Variants in BORCS5 observed in about 807,000 individuals in gnomAD.
BORCS5 encodes the protein BLOC-1-related complex subunit 5.
In BORCS5, 17 loss-of-function variants were observed where a neutral mutation model predicts 22.1. That is an observed-to-expected ratio of 0.77 (90% CI 0.53 to 1.15). The LOEUF (loss-of-function observed/expected upper bound fraction) is 1.15, where lower values mean the gene tolerates loss of function less well. BORCS5 is among the 50% of genes most tolerant of loss of function. The pLI, the probability that BORCS5 is intolerant of heterozygous loss-of-function variation, is 0.00. For synonymous variants in BORCS5, 117 were observed against 99.8 expected (o/e 1.17, Z -1.03); for missense variants, 247 against 253.2 (o/e 0.98, Z 0.17).
Position 12,468,014 on chromosome 12 carries a change from GGATGAGAGACCAGCACGGGCTCT to G in BORCS5, c.*2249_*2271del, listed in dbSNP as rs1203097397. 6.6e-6 allele frequency: 1 copy of G among 152,206 alleles called. No homozygotes were observed. The highest frequency in any genetic ancestry group is 1.5e-5 in the Non-Finnish European group (1 of 68,062). 9.4% of individuals were successfully genotyped at this position (152,206 alleles called of 1,614,324 possible). A position where few individuals can be genotyped will look rare whatever the true frequency, so the allele number is the denominator to read the frequency against. On this transcript the variant is annotated 3_prime_UTR_variant, in exon 4 of 4. Transcript: ENST00000314565. ...TGCAGCCACAAGGATGAAGGTTTGGGGATGAGAGACCAGCACGGGCTCTGATGAGAGACAGGTGCAGGTCCCAG... is the reference window on the plus strand; with the variant it reads ...TGCAGCCACAAGGATGAAGGTTTGGGGATGAGAGACAGGTGCAGGTCCCAG...
intron 2 of BORCS5, among the ~76,000 whole-genome samples, chr12:12,374,777 G>C (rs1203872644): frequency 2.0e-5 from 3 of 151,864 alleles, no homozygotes; most frequent in Non-Finnish European, 4.4e-5. Flanking sequence ...GGCCAACATG[G>C]TGAAACCCCA....
At chr12:12,392,309 G>A (rs1285243644) in intron 2 of BORCS5, among the ~76,000 whole-genome samples, 3 of 151,940 alleles carry the variant, frequency 2.0e-5, no homozygotes, top group African/African-American at 2.4e-5. Flanking sequence ...GCCAATATAC[G>A]ACGTTTTCGA....
intron 3 of BORCS5, chr12:12,452,265 C>A (rs966583731): frequency 1.3e-6 from 1 of 768,388 alleles, no homozygotes. Flanking sequence ...ATTTTGTGCA[C>A]CAATTTGTGT....
chr12:12,381,719 A>G (rs142590911), intron 2 of BORCS5, among the ~76,000 whole-genome samples: 24 of 151,686 alleles, frequency 1.6e-4, no homozygotes, highest in Middle Eastern at 3.4e-3. Context: ...TGTGAAAGGT[A>G]TAAACCATAT....
In BORCS5 at chr12:12,357,153, T is replaced by G; in HGVS notation, c.-299T>G. 1 of 1,532,938 alleles carries G rather than the reference T, an allele frequency of 6.5e-7. No individual in the cohort carries two copies. The highest frequency in any genetic ancestry group is 8.7e-7 in the Non-Finnish European group (1 of 1,145,690). The allele number at this position is 1,532,938 out of a possible 1,614,324, so 95.0% of individuals were successfully genotyped here. ...AGCGGCGCCGCCCGCCGGCCGCAGG[T>G]GCGGCAAAGCCAGTGTCATCTGCCG... On this transcript the variant is annotated 5_prime_UTR_variant, in exon 1 of 4. Coordinates refer to ENST00000314565, the MANE Select transcript of BORCS5 (RefSeq NM_058169.6).
chr12:12,465,698 C>G lies in BORCS5; in HGVS notation c.513C>G (p.Asp171Glu), dbSNP rs1361033088. 8 of 1,614,148 alleles carry G rather than the reference C, an allele frequency of 5.0e-6. No homozygotes were observed. The highest frequency in any genetic ancestry group is 6.8e-6 in the Non-Finnish European group (8 of 1,180,060). Reference protein sequence around the residue: ...MGIDQTVPLLDRLNSMLPEGE... With the variant: ...MGIDQTVPLLERLNSMLPEGE... ...TCGACCAGACTGTGCCCCTGCTGGA[C>G]AGGCTCAACAGCATGCTGCCCGAGG... The change falls in exon 4 of 4, where the codon GAC (aspartate) becomes GAG (glutamate). Residue 171 changes from aspartate to glutamate, a missense_variant. Physicochemically the swap from Asp to Glu is conservative, Grantham distance 45. Coordinates refer to ENST00000314565, the MANE Select transcript of BORCS5 (RefSeq NM_058169.6).
At chr12:12,454,900 G>T (rs755039801) in intron 3 of BORCS5, among the ~76,000 whole-genome samples, 10 of 152,078 alleles carry the variant, frequency 6.6e-5, no homozygotes, top group Non-Finnish European at 1.0e-4. Flanking sequence ...CTTGTGATTT[G>T]CCCAAGTTCA....
intron 2 of BORCS5, among the ~76,000 whole-genome samples, chr12:12,425,748 T>G (rs928998578): frequency 3.9e-5 from 6 of 152,194 alleles, no homozygotes; most frequent in African/African-American, 9.7e-5. Context: ...AACTCCTGCT[T>G]CTTCTGGTAA....
intron 1 of BORCS5, among the ~76,000 whole-genome samples, chr12:12,358,441 G>C (rs1863197339): frequency 6.6e-6 from 1 of 152,246 alleles, no homozygotes; most frequent in African/African-American, 2.4e-5. Flanking sequence ...TTTGAATGGT[G>C]AGCAGCATCT....
chr12:12,365,427 A>G (rs1029481808), intron 2 of BORCS5, among the ~76,000 whole-genome samples: 1 of 146,828 alleles, frequency 6.8e-6, no homozygotes, highest in Non-Finnish European at 1.5e-5. Context: ...TGCTCCTCCC[A>G]CCTTAGCCTC....
At chr12:12,411,472 A>T (rs1941729919) in intron 2 of BORCS5, among the ~76,000 whole-genome samples, 1 of 152,120 alleles carries the variant, frequency 6.6e-6, no homozygotes, top group South Asian at 2.1e-4. Flanking sequence ...GGAATTCTCT[A>T]TATATTCTGG....
At chr12:12,415,439 A>G (rs2136095272) in intron 2 of BORCS5, among the ~76,000 whole-genome samples, 1 of 151,092 alleles carries the variant, frequency 6.6e-6, no homozygotes, top group Middle Eastern at 3.4e-3. Flanking sequence ...AATCGCAGGC[A>G]CTCGGCAGGC....
intron 2 of BORCS5, among the ~76,000 whole-genome samples, chr12:12,392,186 C>T (rs191943412): frequency 1.6e-4 from 25 of 151,910 alleles, no homozygotes; most frequent in South Asian, 1.0e-3. Context: ...ATACACACTA[C>T]TCAAATAAAT....
intron 2 of BORCS5, among the ~76,000 whole-genome samples, chr12:12,431,007 G>A (rs778722594): frequency 5.3e-5 from 8 of 152,088 alleles, no homozygotes; most frequent in Non-Finnish European, 8.8e-5. Context: ...GCTGACCTTT[G>A]CTGTTACAGT....
At chr12:12,417,195 G>A (rs543009963) in intron 2 of BORCS5, among the ~76,000 whole-genome samples, 2 of 151,894 alleles carry the variant, frequency 1.3e-5, no homozygotes, top group East Asian at 1.9e-4. Context: ...GTTTTTTTCA[G>A]TGTCCTTTGT....
At chr12:12,359,184 C>G (rs1409508844) in intron 1 of BORCS5, among the ~76,000 whole-genome samples, 1 of 152,066 alleles carries the variant, frequency 6.6e-6, no homozygotes, top group Admixed American at 6.5e-5. Flanking sequence ...CCCTCTTTGT[C>G]CTCCAAATTT....
intron 2 of BORCS5, among the ~76,000 whole-genome samples, chr12:12,387,768 T>C (rs6488520): frequency 0.26 from 38,950 of 151,252 alleles, 6,444 homozygotes; most frequent in African/African-American, 0.4. Context: ...TCCCCCATCC[T>C]GTATTTCTGC....
intron 2 of BORCS5, among the ~76,000 whole-genome samples, chr12:12,373,981 C>CTTTTTTTTTTTTTTTTTTTTTT (rs926893487): frequency 1.1e-5 from 1 of 89,798 alleles, no homozygotes; most frequent in Non-Finnish European, 2.1e-5. Context: ...AGAGAGTATT[C>CTTTTTTTTTTTTTTTTTTTTTT]TTTTTTTTTT....
intron 3 of BORCS5, among the ~76,000 whole-genome samples, chr12:12,460,307 A>G (rs939138665): frequency 6.6e-6 from 1 of 152,192 alleles, no homozygotes; most frequent in Admixed American, 6.5e-5. Flanking sequence ...CTGTCCTGTC[A>G]TTCATTGTTA....
Sources: allele counts gnomAD v4.1 joint callset (sites outside exome capture counted in the v4.1 genomes callset), GRCh38; gene constraint gnomAD v4.1.1; transcripts MANE v1.5; gene names NCBI Gene and HGNC (gene_info 2026-07-23, HGNC 2026-07-21).